The following MCU variants were observed in gnomAD, a reference collection of about 807,000 sequenced individuals.
MCU encodes mitochondrial calcium uniporter, also known as calcium uniporter protein, mitochondrial.
In MCU, 12 loss-of-function variants were observed where a neutral mutation model predicts 45.2. The observed-to-expected ratio is 0.27, with a 90% CI of 0.17 to 0.43. The LOEUF is 0.43. MCU is among the 20% of genes least tolerant of loss of function. The pLI, the probability that MCU is intolerant of heterozygous loss-of-function variation, is 1.00. For missense variants in MCU, 324 were observed against 436.7 expected (o/e 0.74, Z 2.30); for synonymous variants, 160 against 165.1 (o/e 0.97, Z 0.24).
chr10:72,796,671 G>A (rs946731592), intron 1 of MCU, among the ~76,000 whole-genome samples: 6 of 150,052 alleles, frequency 4.0e-5, no homozygotes, highest in East Asian at 1.9e-4. Context: ...GTACCACCAC[G>A]CCTGGCTACT....
intron 1 of MCU, among the ~76,000 whole-genome samples, chr10:72,752,489 T>G (rs1312565618): frequency 6.6e-6 from 1 of 152,246 alleles, no homozygotes; most frequent in African/African-American, 2.4e-5. Context: ...ATTAATGACG[T>G]TGAAAACATT....
At chr10:72,733,052 C>CA (rs1452414402) in intron 1 of MCU, among the ~76,000 whole-genome samples, 3 of 152,206 alleles carry the variant, frequency 2.0e-5, no homozygotes, top group Admixed American at 6.5e-5. Context: ...GGTTTTGGTG[C>CA]CAGACTGAAT....
chr10:72,862,653 C>T (rs1299018622), intron 4 of MCU, among the ~76,000 whole-genome samples: 2 of 152,276 alleles, frequency 1.3e-5, no homozygotes, highest in East Asian at 3.9e-4. Context: ...CACTCACTGG[C>T]CTCCTCCTGT....
intron 1 of MCU, among the ~76,000 whole-genome samples, chr10:72,714,701 C>T (rs571702306): frequency 6.6e-6 from 1 of 151,990 alleles, no homozygotes. Flanking sequence ...TGCAACACCA[C>T]GCTGGGCAAA....
intron 1 of MCU, among the ~76,000 whole-genome samples, chr10:72,705,758 A>G (rs1277089182): frequency 6.6e-6 from 1 of 151,942 alleles, no homozygotes. Context: ...TGAAGGTTGC[A>G]GTGAGCTGAG....
chr10:72,775,132 G>A (rs970880100), intron 1 of MCU, among the ~76,000 whole-genome samples: 2 of 151,868 alleles, frequency 1.3e-5, no homozygotes, highest in African/African-American at 4.8e-5. Context: ...CTAGAATAGA[G>A]TCTCCCTTAG....
intron 6 of MCU, among the ~76,000 whole-genome samples, chr10:72,882,962 C>G (rs1434059313): frequency 6.6e-6 from 1 of 152,054 alleles, no homozygotes; most frequent in Non-Finnish European, 1.5e-5. Flanking sequence ...AACTGGCCAA[C>G]GCTTAGGGAA....
Position 72,885,933 on chromosome 10 carries a change from T to A in MCU, c.*111T>A. ...GTGGGGGGTAGAGCGTTTTTACCTTTAATTATAAAACAAAAACAGAAAGGA... is the reference window on the plus strand; with the variant it reads ...GTGGGGGGTAGAGCGTTTTTACCTTAAATTATAAAACAAAAACAGAAAGGA... On this transcript the variant is annotated 3_prime_UTR_variant, in exon 8 of 8. Transcript: ENST00000373053. The A allele has an allele frequency of 1.3e-6, 1 of 751,438 alleles. No homozygotes were observed. Among genetic ancestry groups the A allele is most frequent in the Non-Finnish European group, 2.2e-6 (1 of 448,470 alleles). The allele number at this position is 751,438 out of a possible 1,614,324, so 46.5% of individuals were successfully genotyped here.
At chr10:72,796,556 G>A (rs1017287365) in intron 1 of MCU, among the ~76,000 whole-genome samples, 11 of 152,042 alleles carry the variant, frequency 7.2e-5, no homozygotes, top group Admixed American at 5.2e-4. Flanking sequence ...GACAGGTCTC[G>A]CTTTGTTACT....
chr10:72,773,306 A>T (rs1222543579), intron 1 of MCU, among the ~76,000 whole-genome samples: 1 of 152,110 alleles, frequency 6.6e-6, no homozygotes, highest in African/African-American at 2.4e-5. Context: ...TAAAGAAAAA[A>T]CCCACAGAAA....
intron 1 of MCU, among the ~76,000 whole-genome samples, chr10:72,750,227 G>A (rs1169315018): frequency 6.6e-6 from 1 of 152,116 alleles, no homozygotes; most frequent in Non-Finnish European, 1.5e-5. Flanking sequence ...ACACTGAACT[G>A]GAGAGATTAA....
chr10:72,884,502 G>T, intron 7 of MCU, 120 bp downstream of exon 7: 1 of 637,668 alleles, frequency 1.6e-6, no homozygotes, highest in Non-Finnish European at 2.8e-6. Context: ...TCTTCTTCCT[G>T]TATAAATTAT....
intron 1 of MCU, among the ~76,000 whole-genome samples, chr10:72,825,456 A>G (rs1325144126): frequency 6.6e-6 from 1 of 152,230 alleles, no homozygotes; most frequent in African/African-American, 2.4e-5. Flanking sequence ...TCTAAGAACA[A>G]TAACATCCTC....
intron 1 of MCU, among the ~76,000 whole-genome samples, chr10:72,797,781 C>CA (rs1844274051): frequency 6.6e-6 from 1 of 152,004 alleles, no homozygotes; most frequent in Admixed American, 6.6e-5. Context: ...GTGATCCACC[C>CA]ACCTTGGCCT....
chr10:72,782,561 G>A (rs1844011163), intron 1 of MCU, among the ~76,000 whole-genome samples: 1 of 152,056 alleles, frequency 6.6e-6, no homozygotes, highest in African/African-American at 2.4e-5. Flanking sequence ...CAGTAGAGGC[G>A]GGGTTTCGCC....
intron 1 of MCU, chr10:72,692,799 G>A: frequency 1.4e-6 from 2 of 1,411,482 alleles, no homozygotes; most frequent in South Asian, 1.6e-5. Flanking sequence ...CCAGGACCCC[G>A]GCGGGGCCGC....
At chr10:72,710,948 C>G (rs1283131694) in intron 1 of MCU, among the ~76,000 whole-genome samples, 1 of 151,968 alleles carries the variant, frequency 6.6e-6, no homozygotes, top group Non-Finnish European at 1.5e-5. Context: ...GAGGCCAAGG[C>G]AGGTAGATCA....
At chr10:72,874,113 AT>A (rs1240525050) in intron 6 of MCU, among the ~76,000 whole-genome samples, 2 of 151,948 alleles carry the variant, frequency 1.3e-5, no homozygotes, top group South Asian at 2.1e-4. Context: ...AGTTTTTAGA[AT>A]TTTTTTCCTA....
intron 1 of MCU, among the ~76,000 whole-genome samples, chr10:72,760,005 T>C (rs1334328783): frequency 6.6e-6 from 1 of 152,022 alleles, no homozygotes; most frequent in Non-Finnish European, 1.5e-5. Context: ...CAGACTGAGA[T>C]ACTCCTGATG....
Sources: gnomAD v4.1 joint callset for allele counts (sites outside exome capture counted in the v4.1 genomes callset) on GRCh38, gnomAD v4.1.1 for gene constraint, MANE v1.5 for transcripts, NCBI Gene and HGNC (gene_info 2026-07-23, HGNC 2026-07-21) for gene names.